Variants in TPD52 observed in about 807,000 individuals in gnomAD.
The protein encoded by TPD52 is prostate and colon associated protein.
A neutral mutation model predicts 31.3 loss-of-function variants in TPD52; 17 were observed. The observed-to-expected ratio is 0.54, with a 90% CI of 0.37 to 0.82. The LOEUF is 0.82. Among genes scored for constraint, TPD52 ranks in the 40% least tolerant of loss-of-function variants. The pLI is 0.00. For missense variants in TPD52, 212 were observed against 240.1 expected, an observed-to-expected ratio of 0.88 and a Z score of 0.77; for synonymous variants, 83 against 89.6, an observed-to-expected ratio of 0.93 and a Z score of 0.42.
chr8:80,128,157 A>G (rs1299358374), intron 1 of TPD52, among the ~76,000 whole-genome samples: 1 of 152,150 alleles, frequency 6.6e-6, no homozygotes, highest in East Asian at 1.9e-4. Flanking sequence ...TGTCCATTTC[A>G]ACCTTTATTA....
chr8:80,099,018 A>ATTTTG (rs948222775), intron 1 of TPD52, among the ~76,000 whole-genome samples: 35 of 152,100 alleles, frequency 2.3e-4, no homozygotes, highest in Admixed American at 2.1e-3. Context: ...TAAGTGCACA[A>ATTTTG]TTTTGTTTTG....
At chr8:80,068,449 C>G (rs996203735) in intron 1 of TPD52, among the ~76,000 whole-genome samples, 3 of 152,180 alleles carry the variant, frequency 2.0e-5, no homozygotes, top group African/African-American at 7.2e-5. Flanking sequence ...CTGTGGGGAT[C>G]CCTGGTTTGA....
At chr8:80,150,911 G>A (rs943756944) in intron 1 of TPD52, among the ~76,000 whole-genome samples, 4 of 152,218 alleles carry the variant, frequency 2.6e-5, no homozygotes, top group Admixed American at 2.6e-4. Context: ...GGGACTGTTG[G>A]GAAGCCATTA....
At chr8:80,063,776 AAC>A (rs1490793932) in intron 2 of TPD52, among the ~76,000 whole-genome samples, 3 of 151,890 alleles carry the variant, frequency 2.0e-5, no homozygotes, top group Admixed American at 6.6e-5. Flanking sequence ...CAGCCTGGGC[AAC>A]AGAGCGAGAC....
rs546863771 is a variant in TPD52 at position 80,109,936 on chromosome 8, C to T, written c.20-45343G>A. Among the ~76,000 whole-genome samples, 227 of 152,300 alleles carry T rather than the reference C, an allele frequency of 1.5e-3. 1 individual carries two copies. Among genetic ancestry groups the T allele is most frequent in the African/African-American group, 5.1e-3 (212 of 41,566 alleles). On this transcript the variant is annotated intron_variant, in intron 1 of 7. Coordinates refer to ENST00000518937, the MANE Select transcript of TPD52 (RefSeq NM_001025253.3). ...CAAGAACTGCTCTGCTCCTGAAACC[C>T]TGCAAGATGGAGATGTATACCTGAT...
At chr8:80,077,041 C>G (rs1814640983) in intron 1 of TPD52, among the ~76,000 whole-genome samples, 1 of 151,944 alleles carries the variant, frequency 6.6e-6, no homozygotes, top group Admixed American at 6.5e-5. Flanking sequence ...CTTTGGGAGG[C>G]CGAGGCAGGC....
chr8:80,131,191 A>G (rs958336123), intron 1 of TPD52, among the ~76,000 whole-genome samples: 1 of 152,162 alleles, frequency 6.6e-6, no homozygotes, highest in Admixed American at 6.5e-5. Flanking sequence ...GATCAGGAGA[A>G]AAAAATCAGC....
intron 1 of TPD52, among the ~76,000 whole-genome samples, chr8:80,144,454 G>T (rs1448320316): frequency 6.6e-6 from 1 of 152,158 alleles, no homozygotes; most frequent in Non-Finnish European, 1.5e-5. Context: ...ATGACCTTTT[G>T]CTCCTGCTCC....
chr8:80,071,263 T>TCA (rs949344050), intron 1 of TPD52, among the ~76,000 whole-genome samples: 2 of 152,192 alleles, frequency 1.3e-5, no homozygotes, highest in African/African-American at 4.8e-5. Flanking sequence ...AAACACTGAT[T>TCA]CAGCCATTGA....
chr8:80,040,184 CCTTTT>C (rs1243081706), intron 7 of TPD52, among the ~76,000 whole-genome samples: 2 of 132,384 alleles, frequency 1.5e-5, no homozygotes, highest in Admixed American at 1.5e-4. Flanking sequence ...AATACGCTAT[CCTTTT>C]TTTTTTTTTT....
At chr8:80,162,953 C>CA (rs201782935) in intron 1 of TPD52, among the ~76,000 whole-genome samples, 11,291 of 127,372 alleles carry the variant, frequency 0.089, 944 homozygotes, top group African/African-American at 0.23. Context: ...AACAAACAAA[C>CA]AAACAAAAAA....
chr8:80,159,367 T>C (rs1811202252), intron 1 of TPD52, among the ~76,000 whole-genome samples: 1 of 152,222 alleles, frequency 6.6e-6, no homozygotes, highest in Non-Finnish European at 1.5e-5. Flanking sequence ...CTGGTATAGA[T>C]ACACTGCTTG....
chr8:80,143,774 T>C (rs1219556849), intron 1 of TPD52, among the ~76,000 whole-genome samples: 1 of 152,206 alleles, frequency 6.6e-6, no homozygotes, highest in South Asian at 2.1e-4. Flanking sequence ...TACTAATGAT[T>C]TGATAGTTCC....
At position 80,038,368 on chromosome 8, in the gene TPD52, T is replaced by C. The variant is rs564717130; in HGVS notation, c.505-133A>G. On this transcript the variant is annotated intron_variant, in intron 7 of 7. Transcript: ENST00000518937. ...TATAGCTCAGTGATTATTATATATG[T>C]ATGGAATTTAGTATTGTTGCAATGT... 2.5e-5 allele frequency: 22 copies of C among 895,968 alleles called. No individual in the cohort carries two copies. The South Asian group carries it at 4.0e-4, about 16-fold the overall frequency. The allele number at this position is 895,968 out of a possible 1,614,324, so 55.5% of individuals were successfully genotyped here.
At chr8:80,139,906 C>T (rs567156688) in intron 1 of TPD52, among the ~76,000 whole-genome samples, 20 of 152,244 alleles carry the variant, frequency 1.3e-4, no homozygotes, top group African/African-American at 4.6e-4. Flanking sequence ...GGACCCCACC[C>T]GGCTCTTCTG....
intron 1 of TPD52, among the ~76,000 whole-genome samples, chr8:80,132,036 T>C (rs5892710): frequency 7.4e-6 from 1 of 135,572 alleles, no homozygotes; most frequent in African/African-American, 3.0e-5. Context: ...TTCTTTCTTT[T>C]TTTTTTTTTG....
chr8:80,117,726 TTTTC>T (rs1351635057), intron 1 of TPD52, among the ~76,000 whole-genome samples: 4 of 130,318 alleles, frequency 3.1e-5, no homozygotes, highest in East Asian at 2.4e-4. Context: ...CTTTCTTTTT[TTTTC>T]TTTCTTTTTT....
chr8:80,081,492 G>A (rs1563610592), intron 1 of TPD52, among the ~76,000 whole-genome samples: 6 of 151,888 alleles, frequency 4.0e-5, no homozygotes, highest in Admixed American at 3.3e-4. Flanking sequence ...AAGGCGACTC[G>A]CTTTCAGGTG....
chr8:80,151,510 G>C (rs1487771522), intron 1 of TPD52, among the ~76,000 whole-genome samples: 1 of 152,194 alleles, frequency 6.6e-6, no homozygotes, highest in East Asian at 1.9e-4. Context: ...ACCAAAGTGA[G>C]TCACTCATGC....
Sources: allele counts gnomAD v4.1 joint callset (sites outside exome capture counted in the v4.1 genomes callset), GRCh38; gene constraint gnomAD v4.1.1; transcripts MANE v1.5; gene names NCBI Gene and HGNC (gene_info 2026-07-23, HGNC 2026-07-21).